The following PNPLA2 variants were observed in gnomAD, a reference collection of about 807,000 sequenced individuals.
The protein encoded by PNPLA2 is patatin-like phospholipase domain-containing protein 2.
Under a neutral mutation model 39.7 loss-of-function variants are expected in PNPLA2, and 28 were observed. The ratio of observed to expected loss-of-function variants is 0.70; its 90% CI spans 0.52 to 0.97. PNPLA2 has a LOEUF of 0.97. PNPLA2 is among the 50% of genes least tolerant of loss of function. The probability of loss-of-function intolerance (pLI) is 0.00; values close to 1 mark genes in which losing one functional copy is unlikely to be tolerated. For missense variants in PNPLA2, 768 were observed against 698.2 expected, an observed-to-expected ratio of 1.10 and a Z score of -1.13; for synonymous variants, 392 against 321.1, an observed-to-expected ratio of 1.22 and a Z score of -2.36.
Position 821,691 on chromosome 11 carries a change from T to G in PNPLA2, c.251T>G (p.Leu84Arg). 6.2e-7 allele frequency: 1 copy of G among 1,613,880 alleles called. No homozygotes were observed. The highest frequency in any genetic ancestry group is 1.7e-5 in the Admixed American group (1 of 60,016). Residue 84 changes from leucine (L) to arginine (R), a missense_variant, in exon 3 of 10, where the codon CTG becomes CGG. Transcript: ENST00000336615. Reference sequence around the variant, plus strand: ...GCCCGGAAGCGGTTCCTGGGCCCCCTGCACCCCTCCTTCAACCTGGTAAAG... The same window carrying G: ...GCCCGGAAGCGGTTCCTGGGCCCCCGGCACCCCTCCTTCAACCTGGTAAAG... ...KEARKRFLGPLHPSFNLVKII... is the reference protein window; with the variant it reads ...KEARKRFLGPRHPSFNLVKII...
chr11:824,169 C>T (rs751344804), intron 8 of PNPLA2, 39 bp downstream of exon 8: 18 of 1,571,772 alleles, frequency 1.1e-5, no homozygotes, highest in African/African-American at 5.4e-5. Flanking sequence ...GCCCAGGGGA[C>T]GGACTTTGGG....
rs1299041723 is a variant in PNPLA2 at position 824,341 on chromosome 11, C to T, written c.1080C>T (p.Pro360=). 6.4e-7 allele frequency: 1 copy of T among 1,551,218 alleles called. No individual in the cohort carries two copies. Among genetic ancestry groups the T allele is most frequent in the South Asian group, 1.2e-5 (1 of 84,088 alleles). Reference sequence around the variant, plus strand: ...TGCTGGAGTGGCTGCCCGACGTTCCCGAGGACATCCGGTGGATGAAGGAGC... The same window carrying T: ...TGCTGGAGTGGCTGCCCGACGTTCCTGAGGACATCCGGTGGATGAAGGAGC... The part of the protein sequence containing the change: ...IRLLEWLPDV[P]EDIRWMKEQT... The change falls in exon 9 of 10, where the codon CCC becomes CCT. Residue 360 remains proline (P), a synonymous_variant. Transcript: ENST00000336615.
chr11:819,763 C>A lies in PNPLA2; in HGVS notation c.45C>A (p.Cys15Ter), dbSNP rs1489387064. Residue 15 changes from cysteine to a stop codon, truncating the protein, a stop_gained, in exon 2 of 10, where the codon TGC becomes TGA. Coordinates refer to ENST00000336615, the MANE Select transcript of PNPLA2 (RefSeq NM_020376.4). LOFTEE classifies it high-confidence loss of function. ...EKTWNISFAG[C>*]GFLGVYYVGV... ...CGTGGAACATCTCGTTCGCGGGCTG[C>A]GGCTTCCTCGGCGTCTACTACGTCG... 4.6e-6 allele frequency: 7 copies of A among 1,512,878 alleles called. No individual in the cohort carries two copies. Among genetic ancestry groups the A allele is most frequent in the African/African-American group, 1.4e-5 (1 of 69,124 alleles). The allele number at this position is 1,512,878 out of a possible 1,614,324, so 93.7% of individuals were successfully genotyped here.
chr11:820,030 C>T (rs1033372238), intron 2 of PNPLA2, 125 bp downstream of exon 2: 18 of 664,240 alleles, frequency 2.7e-5, no homozygotes, highest in African/African-American at 3.8e-5. Context: ...GGTTCCGGTC[C>T]GCGCCTGGGG....
rs1845809288 is a variant in PNPLA2 at position 824,524 on chromosome 11, C to T, written c.1177C>T (p.Leu393=). ...CCCTGCCGCATCCCTGCCCCGCAGG[C>T]TGCCGGAGCAGGTGGAGCTGCGCCG... ...RKLGRHLPSR[L]PEQVELRRVQ... Residue 393 remains leucine (L), a splice_region_variant and synonymous_variant, in exon 10 of 10, where the codon CTG becomes TTG. Coordinates refer to ENST00000336615, the MANE Select transcript of PNPLA2 (RefSeq NM_020376.4). The T allele has an allele frequency of 1.3e-6, 2 of 1,548,310 alleles. No homozygotes were observed. The highest frequency in any genetic ancestry group is 1.7e-6 in the Non-Finnish European group (2 of 1,149,404).
Position 823,839 on chromosome 11 carries a change from C to T in PNPLA2, c.903C>T (p.Pro301=), listed in dbSNP as rs141190104. The change falls in exon 7 of 10, where the codon CCC becomes CCT. Residue 301 remains proline, a synonymous_variant. Coordinates refer to ENST00000336615, the MANE Select transcript of PNPLA2 (RefSeq NM_020376.4). Reference sequence around the variant, plus strand: ...AAGATCACATCCTGGAGCACCTGCCCGCCCGGCTCAATGAGGGTGCGCACC... The same window carrying T: ...AAGATCACATCCTGGAGCACCTGCCTGCCCGGCTCAATGAGGGTGCGCACC... The part of the protein sequence containing the change: ...PGEDHILEHL[P]ARLNEALLEA... 3.5e-4 allele frequency: 561 copies of T among 1,590,248 alleles called. 1 individual carries two copies. Among genetic ancestry groups the T allele is most frequent in the Non-Finnish European group, 3.6e-4 (425 of 1,169,302 alleles).
chr11:819,626 C>T lies in PNPLA2; in HGVS notation c.-93C>T. ...CGAGCTAGAGCCGCAGCGGGACCTG[C>T]CCGGCCCCCGGCTCCAGCGAGCGAG... is the stretch of plus-strand genomic sequence containing the variant. On this transcript the variant is annotated 5_prime_UTR_variant, in exon 2 of 10. Transcript: ENST00000336615. 3 of 1,327,460 alleles carry T rather than the reference C, an allele frequency of 2.3e-6. No individual in the cohort carries two copies. The highest frequency in any genetic ancestry group is 3.5e-5 in the Admixed American group (1 of 28,546). 82.2% of individuals were successfully genotyped at this position (1,327,460 alleles called of 1,614,324 possible).
Position 819,823 on chromosome 11 carries a change from C to T in PNPLA2, c.105C>T (p.Phe35=). ...CCTGCCTCCGCGAGCACGCGCCCTT[C>T]CTGGTGGCCAACGCCACGCACATCT... The part of the protein sequence containing the change: ...VASCLREHAP[F]LVANATHIYG... Residue 35 remains phenylalanine, a synonymous_variant, in exon 2 of 10, where the codon TTC becomes TTT. Transcript: ENST00000336615. The T allele has an allele frequency of 4.0e-6, 6 of 1,496,248 alleles. No homozygotes were observed. The highest frequency in any genetic ancestry group is 4.4e-6 in the Non-Finnish European group (5 of 1,124,064). The allele number at this position is 1,496,248 out of a possible 1,614,324, so 92.7% of individuals were successfully genotyped here.
At position 824,374 on chromosome 11, in the gene PNPLA2, C is replaced by T; in HGVS notation, c.1113C>T (p.Gly371=). 1 of 1,551,264 alleles carries T rather than the reference C, an allele frequency of 6.4e-7. No homozygotes were observed. Among genetic ancestry groups the T allele is most frequent in the Non-Finnish European group, 8.7e-7 (1 of 1,147,684 alleles). The change falls in exon 9 of 10, where the codon GGC becomes GGT. Residue 371 remains glycine (G), a synonymous_variant. Coordinates refer to ENST00000336615, the MANE Select transcript of PNPLA2 (RefSeq NM_020376.4). ...EDIRWMKEQT[G]SICQYLVMRA... ...TCCGGTGGATGAAGGAGCAGACGGG[C>T]AGCATCTGCCAGTACCTGGTGATGC...
At chr11:819,191 G>A (rs1019231430) in intron 1 of PNPLA2, among the ~76,000 whole-genome samples, 1 of 152,246 alleles carries the variant, frequency 6.6e-6, no homozygotes, top group Non-Finnish European at 1.5e-5. Context: ...CTCTGTCCAG[G>A]GACCAGCTCC....
Position 825,208 on chromosome 11 carries a change from C to T in PNPLA2, c.*346C>T. ...TTCGCCAAAGCACATGTAATAAATG[C>T]TGCAGCCCAGCCTCTGCCCACTTTG... On this transcript the variant is annotated 3_prime_UTR_variant, in exon 10 of 10. Transcript: ENST00000336615. 1 of 402,468 alleles carries T rather than the reference C, an allele frequency of 2.5e-6. No homozygotes were observed. The allele number at this position is 402,468 out of a possible 1,614,324, so 24.9% of individuals were successfully genotyped here. A position where few individuals can be genotyped will look rare whatever the true frequency, so the allele number is the denominator to read the frequency against.
At chr11:823,886 GGGAGGCAGGAGGGAAAGAGAGAGAGGAGA>G (rs1242386652) in intron 7 of PNPLA2, 31 bp downstream of exon 7, 35 of 1,562,652 alleles carry the variant, frequency 2.2e-5, no homozygotes, top group Non-Finnish European at 3.0e-5. Flanking sequence ...AGGGGAGGAG[GGGAGGCAGGAGGGAAAGAGAGAGAGGAGA>G]GGACGGTGAG....
intron 4 of PNPLA2, 76 bp downstream of exon 4, chr11:822,099 G>A: frequency 1.5e-6 from 2 of 1,357,318 alleles, no homozygotes; most frequent in South Asian, 1.2e-5. Context: ...GCCGCCTAGA[G>A]CCATCCTTCA....
intron 6 of PNPLA2, 22 bp downstream of exon 6, chr11:823,609 A>G: frequency 8.0e-7 from 1 of 1,244,446 alleles, no homozygotes; most frequent in Non-Finnish European, 1.2e-6. Context: ...CGGGCGGGAG[A>G]GGGCGGGGTG....
rs1845772952 is a variant in PNPLA2, at chr11:823,992, C to T, written c.920-6C>T. The T allele has an allele frequency of 1.2e-6, 2 of 1,602,242 alleles. No homozygotes were observed. The highest frequency in any genetic ancestry group is 2.7e-5 in the African/African-American group (2 of 74,750). On this transcript the variant is annotated splice_region_variant and splice_polypyrimidine_tract_variant and intron_variant, in intron 7 of 9. Transcript: ENST00000336615. ...CACTGGCCGCCGACCTCCCGCCCAC[C>T]CGCAGCCCTGCTGGAGGCCTGCGTG...
rs757575326 is a variant in PNPLA2 at position 824,453 on chromosome 11, G to T, written c.1175+17G>T. On this transcript the variant is annotated intron_variant, in intron 9 of 9. Transcript: ENST00000336615. ...GCCCTCCAGGTGAGCCGCCGACCGCGCGTCCACCCGGGGCCCGCGGTGCTA... is the reference window on the plus strand; with the variant it reads ...GCCCTCCAGGTGAGCCGCCGACCGCTCGTCCACCCGGGGCCCGCGGTGCTA... The T allele has an allele frequency of 9.7e-6, 15 of 1,550,476 alleles. No homozygotes were observed. The highest frequency in any genetic ancestry group is 1.3e-5 in the Non-Finnish European group (15 of 1,147,598).
At chr11:822,344 C>G in intron 4 of PNPLA2, 53 bp from the exon 5 acceptor site, 1 of 1,518,030 alleles carries the variant, frequency 6.6e-7, no homozygotes, top group Non-Finnish European at 9.1e-7. Context: ...GGGTGGGTGG[C>G]CAGTGCAGCC....
Position 825,392 on chromosome 11 carries a change from C to A in PNPLA2, c.*530C>A. On this transcript the variant is annotated 3_prime_UTR_variant, in exon 10 of 10. Coordinates refer to ENST00000336615, the MANE Select transcript of PNPLA2 (RefSeq NM_020376.4). The stretch of plus-strand genomic sequence containing the variant: ...CCTGCCAGGCTGGCCTGGGAACACC[C>A]CCCTACAGGCACATATGAACGTACT... The A allele has an allele frequency of 4.9e-6, 1 of 204,136 alleles. No individual in the cohort carries two copies. The allele number at this position is 204,136 out of a possible 1,614,324, so 12.6% of individuals were successfully genotyped here. A position where few individuals can be genotyped will look rare whatever the true frequency, so the allele number is the denominator to read the frequency against.
Position 822,569 on chromosome 11 carries a change from A to G in PNPLA2, c.659A>G (p.Tyr220Cys). 1 of 1,613,486 alleles carries G rather than the reference A, an allele frequency of 6.2e-7. No homozygotes were observed. Among genetic ancestry groups the G allele is most frequent in the Non-Finnish European group, 8.5e-7 (1 of 1,179,914 alleles). The change falls in exon 5 of 10, where the codon TAC (tyrosine) becomes TGC (cysteine). Residue 220 changes from tyrosine (Y) to cysteine (C), a missense_variant. Coordinates refer to ENST00000336615, the MANE Select transcript of PNPLA2 (RefSeq NM_020376.4). ...ATCCAGTTCAACCTGCGCAACCTCTACCGCCTCTCCAAGGCCCTCTTCCCG... is the reference window on the plus strand; with the variant it reads ...ATCCAGTTCAACCTGCGCAACCTCTGCCGCCTCTCCAAGGCCCTCTTCCCG... ...TSIQFNLRNL[Y>C]RLSKALFPPE...
Sources: allele counts gnomAD v4.1 joint callset (sites outside exome capture counted in the v4.1 genomes callset), GRCh38; gene constraint gnomAD v4.1.1; transcripts MANE v1.5; gene names NCBI Gene and HGNC (gene_info 2026-07-23, HGNC 2026-07-21).